The following ADAMTSL1 variants were observed in gnomAD, a reference collection of about 807,000 sequenced individuals.
ADAMTSL1 encodes the protein ADAMTS-like protein 1.
Under a neutral mutation model 201.8 loss-of-function variants are expected in ADAMTSL1, and 126 were observed. The observed-to-expected ratio is 0.62, with a 90% CI of 0.54 to 0.72. The LOEUF (loss-of-function observed/expected upper bound fraction) is 0.72, where lower values mean the gene tolerates loss of function less well. Ranked by LOEUF, ADAMTSL1 falls within the 30% of genes least tolerant of loss-of-function variation. ADAMTSL1 has a pLI of 0.00. For synonymous variants in ADAMTSL1, 1,121 were observed against 903.4 expected, an observed-to-expected ratio of 1.24 and a Z score of -4.32; for missense variants, 2,679 against 2,277.8, an observed-to-expected ratio of 1.18 and a Z score of -3.59.
intron 3 of ADAMTSL1, among the ~76,000 whole-genome samples, chr9:18,548,127 A>C (rs1465106394): frequency 3.3e-5 from 5 of 151,904 alleles, no homozygotes; most frequent in Non-Finnish European, 5.9e-5. Context: ...CTACTTACTA[A>C]AATTTGCTTG....
At chr9:18,458,087 T>C (rs545228588) in intron 2 of ADAMTSL1, among the ~76,000 whole-genome samples, 2 of 152,366 alleles carry the variant, frequency 1.3e-5, no homozygotes, top group African/African-American at 4.8e-5. Flanking sequence ...ATTCATACCC[T>C]ACTCCTTTTT....
At chr9:18,335,469 A>G (rs1005021804) in intron 2 of ADAMTSL1, among the ~76,000 whole-genome samples, 1 of 152,072 alleles carries the variant, frequency 6.6e-6, no homozygotes, top group East Asian at 1.9e-4. Context: ...CAAAATTCAT[A>G]ATGGGGCTGC....
intron 2 of ADAMTSL1, among the ~76,000 whole-genome samples, chr9:18,275,597 A>G (rs1832555279): frequency 6.6e-6 from 1 of 152,198 alleles, no homozygotes; most frequent in African/African-American, 2.4e-5. Flanking sequence ...AATTTTCTGT[A>G]AATGAAATCA....
intron 16 of ADAMTSL1, among the ~76,000 whole-genome samples, chr9:18,769,346 C>T (rs993970212): frequency 6.6e-6 from 1 of 152,216 alleles, no homozygotes; most frequent in African/African-American, 2.4e-5. Context: ...CCAAAGGCAG[C>T]AAGCTAATGA....
At chr9:18,749,118 C>T (rs1439307722) in intron 15 of ADAMTSL1, among the ~76,000 whole-genome samples, 1 of 152,142 alleles carries the variant, frequency 6.6e-6, no homozygotes, top group Non-Finnish European at 1.5e-5. Context: ...TCATCTTAAG[C>T]GATTACATCT....
At chr9:17,907,135 C>T (rs1458821525) in intron 1 of ADAMTSL1, among the ~76,000 whole-genome samples, 2 of 152,196 alleles carry the variant, frequency 1.3e-5, no homozygotes, top group African/African-American at 4.8e-5. Context: ...TAGGCTTGAC[C>T]CAGCTTCCTG....
intron 1 of ADAMTSL1, among the ~76,000 whole-genome samples, chr9:18,138,733 T>A (rs1826266318): frequency 6.6e-6 from 1 of 152,080 alleles, no homozygotes; most frequent in Admixed American, 6.6e-5. Context: ...AGGTTATGCT[T>A]TCTGCAGCAT....
chr9:18,672,378 T>A (rs1489065064), intron 9 of ADAMTSL1, among the ~76,000 whole-genome samples: 3 of 152,188 alleles, frequency 2.0e-5, no homozygotes, highest in African/African-American at 7.2e-5. Flanking sequence ...TTCTAATTGT[T>A]GTAATTGTAA....
intron 16 of ADAMTSL1, among the ~76,000 whole-genome samples, chr9:18,757,550 C>T (rs1259415427): frequency 6.6e-6 from 1 of 152,172 alleles, no homozygotes; most frequent in Middle Eastern, 3.4e-3. Context: ...TGCCCTGTCT[C>T]CAGGCATGGC....
intron 15 of ADAMTSL1, among the ~76,000 whole-genome samples, chr9:18,743,323 G>C (rs1052091355): frequency 5.3e-5 from 8 of 152,162 alleles, no homozygotes; most frequent in Admixed American, 4.6e-4. Context: ...GTTCTGTAAA[G>C]GAAGTAGGTT....
At chr9:18,616,586 T>C (rs1195498037) in intron 4 of ADAMTSL1, among the ~76,000 whole-genome samples, 1 of 151,270 alleles carries the variant, frequency 6.6e-6, no homozygotes, top group African/African-American at 2.4e-5. Context: ...ATTGCATACA[T>C]TTTCTAAAAG....
At chr9:18,840,183 T>C (rs996655450) in intron 23 of ADAMTSL1, among the ~76,000 whole-genome samples, 1 of 151,458 alleles carries the variant, frequency 6.6e-6, no homozygotes, top group Non-Finnish European at 1.5e-5. Context: ...AACGTTTAAG[T>C]CTTTAATCCA....
At chr9:18,125,099 C>A (rs1204242610) in intron 1 of ADAMTSL1, among the ~76,000 whole-genome samples, 1 of 152,046 alleles carries the variant, frequency 6.6e-6, no homozygotes, top group Non-Finnish European at 1.5e-5. Flanking sequence ...AAAGACATAC[C>A]CAAGACTGAG....
At chr9:18,739,814 T>A in intron 15 of ADAMTSL1, among the ~76,000 whole-genome samples, 1 of 152,162 alleles carries the variant, frequency 6.6e-6, no homozygotes, top group East Asian at 1.9e-4. Context: ...CAGCAGGCAC[T>A]GCCCACAGGG....
chr9:18,749,436 G>C (rs2081459469), intron 15 of ADAMTSL1, among the ~76,000 whole-genome samples: 1 of 152,098 alleles, frequency 6.6e-6, no homozygotes, highest in African/African-American at 2.4e-5. Context: ...AGCAAAGAGG[G>C]GAAAAAGGCA....
At chr9:18,343,789 T>C (rs1835575956) in intron 2 of ADAMTSL1, among the ~76,000 whole-genome samples, 1 of 152,144 alleles carries the variant, frequency 6.6e-6, no homozygotes. Flanking sequence ...TTAGGGTCCC[T>C]GGGCATTTGT....
chr9:18,440,015 T>A (rs1321358395), intron 2 of ADAMTSL1, among the ~76,000 whole-genome samples: 1 of 152,224 alleles, frequency 6.6e-6, no homozygotes, highest in Non-Finnish European at 1.5e-5. Flanking sequence ...ATTTTAAATC[T>A]TCCTCAAACA....
At chr9:18,515,842 T>G (rs531628143) in intron 2 of ADAMTSL1, among the ~76,000 whole-genome samples, 2 of 152,234 alleles carry the variant, frequency 1.3e-5, no homozygotes, top group East Asian at 3.9e-4. Context: ...ATGAACTAAG[T>G]GATTTCTAAC....
At chr9:18,329,026 C>T (rs1834933479) in intron 2 of ADAMTSL1, among the ~76,000 whole-genome samples, 1 of 152,146 alleles carries the variant, frequency 6.6e-6, no homozygotes, top group Non-Finnish European at 1.5e-5. Context: ...TCCAAAATTT[C>T]CTATGTTGAA....
Sources: gnomAD v4.1 joint callset for allele counts (sites outside exome capture counted in the v4.1 genomes callset) on GRCh38, gnomAD v4.1.1 for gene constraint, MANE v1.5 for transcripts, NCBI Gene and HGNC (gene_info 2026-07-23, HGNC 2026-07-21) for gene names.